MXD1: variants seen among roughly 807,000 people sequenced by gnomAD.
MXD1 encodes MAX dimerization protein 1.
A neutral mutation model predicts 25.7 loss-of-function variants in MXD1; 9 were observed. The ratio of observed to expected loss-of-function variants is 0.35; its 90% CI spans 0.21 to 0.61. The LOEUF is 0.61. Ranked by LOEUF, MXD1 falls within the 20% of genes least tolerant of loss-of-function variation. The pLI, the probability that MXD1 is intolerant of heterozygous loss-of-function variation, is 0.75. For missense variants in MXD1, 227 were observed against 292.4 expected, an observed-to-expected ratio of 0.78 and a Z score of 1.63; for synonymous variants, 99 against 113.9, an observed-to-expected ratio of 0.87 and a Z score of 0.83.
chr2:69,936,404 G>A (rs1278032900), intron 4 of MXD1, among the ~76,000 whole-genome samples: 1 of 152,124 alleles, frequency 6.6e-6, no homozygotes, highest in Non-Finnish European at 1.5e-5. Flanking sequence ...GCACAGAGTT[G>A]ACACTCTCTT....
In MXD1 at chr2:69,916,203, G is replaced by A. The variant is rs376854203; in HGVS notation, c.156G>A (p.Lys52=). The A allele has an allele frequency of 6.2e-7, 1 of 1,606,460 alleles. No individual in the cohort carries two copies. The highest frequency in any genetic ancestry group is 8.5e-7 in the Non-Finnish European group (1 of 1,173,632). Residue 52 remains lysine (K), a synonymous_variant, in exon 2 of 6, where the codon AAG becomes AAA. Transcript: ENST00000264444. ...DALKRRNKSK[K]NNSSSRSTHN... ...TAAAACGGAGGAACAAATCCAAAAA[G>A]AATAACAGCAGTAGCAGGTAATTTG...
At chr2:69,923,067 C>T (rs1677099535) in intron 3 of MXD1, among the ~76,000 whole-genome samples, 1 of 149,680 alleles carries the variant, frequency 6.7e-6, no homozygotes, top group East Asian at 1.9e-4. Context: ...ACACAAAACA[C>T]CCAAAACAAC....
chr2:69,925,693 C>G (rs928149539), intron 3 of MXD1, among the ~76,000 whole-genome samples: 2 of 152,170 alleles, frequency 1.3e-5, no homozygotes, highest in Non-Finnish European at 2.9e-5. Context: ...TGTTAAACCT[C>G]ATATAATCAG....
At chr2:69,931,380 T>G (rs536169092) in intron 3 of MXD1, among the ~76,000 whole-genome samples, 130 of 152,264 alleles carry the variant, frequency 8.5e-4, no homozygotes, top group African/African-American at 3.1e-3. Flanking sequence ...TGTCTGTGAG[T>G]TCAATTGTTT....
At chr2:69,918,417 G>A (rs1676999934) in intron 2 of MXD1, among the ~76,000 whole-genome samples, 1 of 152,326 alleles carries the variant, frequency 6.6e-6, no homozygotes, top group Admixed American at 6.5e-5. Context: ...AAATGAAATT[G>A]TGAATATCAA....
chr2:69,923,345 C>T (rs1316840902), intron 3 of MXD1, among the ~76,000 whole-genome samples: 1 of 152,084 alleles, frequency 6.6e-6, no homozygotes, highest in Non-Finnish European at 1.5e-5. Context: ...TGCGGGCTAC[C>T]CATCCAAATT....
rs988733211 is a variant in MXD1, at chr2:69,940,683, A to G, written c.*2399A>G. 1.3e-5 allele frequency: 2 copies of G among 152,664 alleles called. No homozygotes were observed. Among genetic ancestry groups the G allele is most frequent in the African/African-American group, 2.4e-5 (1 of 41,460 alleles). 9.5% of individuals were successfully genotyped at this position (152,664 alleles called of 1,614,324 possible). A position where few individuals can be genotyped will look rare whatever the true frequency, so the allele number is the denominator to read the frequency against. ...CTGGTCCTTTTCAGTTTGATTGCATATAAATGTGGAACTTGATAGATCTCT... is the reference window on the plus strand; with the variant it reads ...CTGGTCCTTTTCAGTTTGATTGCATGTAAATGTGGAACTTGATAGATCTCT... On this transcript the variant is annotated 3_prime_UTR_variant, in exon 6 of 6. Transcript: ENST00000264444.
rs1677509257 is a variant in MXD1, at chr2:69,938,347, A to G, written c.*63A>G. 6.5e-7 allele frequency: 1 copy of G among 1,537,544 alleles called. No individual in the cohort carries two copies. The highest frequency in any genetic ancestry group is 1.4e-5 in the African/African-American group (1 of 73,324). ...CCTGTTGGTTCTGATTAGGTAACGT[A>G]TTGGACCTGCCCACAACTCCCTTGC... is the stretch of plus-strand genomic sequence containing the variant. On this transcript the variant is annotated 3_prime_UTR_variant, in exon 6 of 6. Transcript: ENST00000264444.
At chr2:69,921,579 G>T (rs74666996) in intron 2 of MXD1, among the ~76,000 whole-genome samples, 157 bp from the exon 3 acceptor site, 1,895 of 152,208 alleles carry the variant, frequency 0.012, 34 homozygotes, top group African/African-American at 0.04. Context: ...CTCTTCAAAT[G>T]GACTAATTTT....
At chr2:69,928,975 C>T (rs563023584) in intron 3 of MXD1, among the ~76,000 whole-genome samples, 1 of 152,304 alleles carries the variant, frequency 6.6e-6, no homozygotes, top group East Asian at 1.9e-4. Context: ...CTCACTGCAA[C>T]CTCTGCCTCC....
At chr2:69,937,120 C>T (rs751450161) in intron 4 of MXD1, 115 bp from the exon 5 acceptor site, 38 of 1,372,056 alleles carry the variant, frequency 2.8e-5, no homozygotes, top group African/African-American at 1.7e-4. Context: ...TGAGTGGCAC[C>T]GAAAGGCGTC....
rs1346927182 is a variant in MXD1, at chr2:69,939,484, A to G, written c.*1200A>G. On this transcript the variant is annotated 3_prime_UTR_variant, in exon 6 of 6. Transcript: ENST00000264444. ...ATTTAAGCTAAAACAGAGCACATGT[A>G]TATGTACATAAGACACATTAAATCT... 1.3e-5 allele frequency: 2 copies of G among 152,664 alleles called. No individual in the cohort carries two copies. Among genetic ancestry groups the G allele is most frequent in the East Asian group, 1.9e-4 (1 of 5,204 alleles). The allele number at this position is 152,664 out of a possible 1,614,324, so 9.5% of individuals were successfully genotyped here. A position where few individuals can be genotyped will look rare whatever the true frequency, so the allele number is the denominator to read the frequency against.
intron 3 of MXD1, among the ~76,000 whole-genome samples, chr2:69,931,999 G>T (rs1195574663): frequency 6.6e-6 from 1 of 152,202 alleles, no homozygotes; most frequent in African/African-American, 2.4e-5. Flanking sequence ...GGGTCACACT[G>T]AGGTGTCGGG....
intron 2 of MXD1, among the ~76,000 whole-genome samples, chr2:69,919,317 T>A (rs773340196): frequency 7.9e-5 from 12 of 152,174 alleles, no homozygotes; most frequent in Admixed American, 1.3e-4. Flanking sequence ...CTCAACCAAC[T>A]GTTGGCATAT....
chr2:69,938,073 C>T (rs773231407), intron 5 of MXD1, 24 bp from the exon 6 acceptor site: 7 of 1,608,832 alleles, frequency 4.4e-6, no homozygotes, highest in African/African-American at 1.3e-5. Flanking sequence ...TCATCAATGT[C>T]CTTCTCTCTT....
intron 3 of MXD1, among the ~76,000 whole-genome samples, chr2:69,927,748 T>C (rs1677198139): frequency 6.6e-6 from 1 of 152,258 alleles, no homozygotes; most frequent in South Asian, 2.1e-4. Context: ...AGTGACCTTA[T>C]CTCTCCAAAA....
At chr2:69,930,518 A>G (rs1677258903) in intron 3 of MXD1, among the ~76,000 whole-genome samples, 1 of 152,240 alleles carries the variant, frequency 6.6e-6, no homozygotes. Flanking sequence ...TGGCCTTATA[A>G]AACCCTTGCT....
intron 3 of MXD1, among the ~76,000 whole-genome samples, chr2:69,922,591 C>A (rs1343745253): frequency 6.6e-6 from 1 of 152,076 alleles, no homozygotes; most frequent in African/African-American, 2.4e-5. Context: ...TAGAAAATTT[C>A]AAATCTGGCC....
rs536315368 is a variant in MXD1, at chr2:69,930,624, CA to C, written c.204-4723del. Among the ~76,000 whole-genome samples the C allele has an allele frequency of 4.5e-3, 678 of 152,292 alleles. 6 individuals are homozygous for C. Among genetic ancestry groups the C allele is most frequent in the African/African-American group, 0.016 (658 of 41,566 alleles). ...GATTTTCCATTAATTATTTTAATGA[CA>C]AAAGATGTCCATTTTCTTCAAGGAA... On this transcript the variant is annotated intron_variant, in intron 3 of 5. Transcript: ENST00000264444.
Sources: allele counts gnomAD v4.1 joint callset (sites outside exome capture counted in the v4.1 genomes callset), GRCh38; gene constraint gnomAD v4.1.1; transcripts MANE v1.5; gene names NCBI Gene and HGNC (gene_info 2026-07-23, HGNC 2026-07-21).